Variants in PARP2 observed in about 807,000 individuals in gnomAD.
PARP2 encodes poly [ADP-ribose] polymerase 2.
A neutral mutation model predicts 77.8 loss-of-function variants in PARP2; 57 were observed. The observed-to-expected ratio is 0.73, with a 90% CI of 0.59 to 0.91. The LOEUF (loss-of-function observed/expected upper bound fraction) is 0.91. Among genes scored for constraint, PARP2 ranks in the 40% least tolerant of loss-of-function variants. PARP2 has a pLI of 0.00. For missense variants in PARP2, 651 were observed against 689.0 expected, an observed-to-expected ratio of 0.94 and a Z score of 0.62; for synonymous variants, 226 against 242.6, an observed-to-expected ratio of 0.93 and a Z score of 0.64.
At chr14:20,354,340 A>T in intron 8 of PARP2, 93 bp downstream of exon 8, 2 of 1,036,818 alleles carry the variant, frequency 1.9e-6, no homozygotes, top group South Asian at 3.2e-5. Context: ...AAGCTTGCTC[A>T]TAGTACTGAA....
At chr14:20,357,615 C>T in intron 15 of PARP2, 23 bp from the exon 16 acceptor site, 1 of 1,609,114 alleles carries the variant, frequency 6.2e-7, no homozygotes, top group Non-Finnish European at 8.5e-7. Context: ...CTGATGTTGA[C>T]ACACTTTTTT....
intron 4 of PARP2, among the ~76,000 whole-genome samples, chr14:20,348,220 G>A (rs185001293): frequency 1.8e-4 from 27 of 152,156 alleles, no homozygotes; most frequent in East Asian, 9.7e-4. Flanking sequence ...TACTGGTTTC[G>A]AGGAACTTTA....
intron 5 of PARP2, 182 bp downstream of exon 5, chr14:20,350,804 C>A (rs1187286460): frequency 1.7e-6 from 1 of 605,764 alleles, no homozygotes; most frequent in Non-Finnish European, 2.9e-6. Flanking sequence ...CCTTAGAGTT[C>A]CCACTGGAAA....
rs371220029 is a variant in PARP2, at chr14:20,354,916, G to C, written c.871G>C (p.Glu291Gln). ...HGRALMEACN[E>Q]FYTRIPHDFG... Reference sequence around the variant, plus strand: ...ACGAGCTCTCATGGAAGCATGCAATGAATTCTACACCAGGATTCCGCATGA... The same window carrying C: ...ACGAGCTCTCATGGAAGCATGCAATCAATTCTACACCAGGATTCCGCATGA... The change falls in exon 9 of 16, where the codon GAA (glutamate) becomes CAA (glutamine). Residue 291 changes from glutamate to glutamine, a missense_variant. Coordinates refer to ENST00000429687, the MANE Select transcript of PARP2 (RefSeq NM_001042618.2). 21 of 1,613,862 alleles carry C rather than the reference G, an allele frequency of 1.3e-5. No individual in the cohort carries two copies. In the Middle Eastern group the frequency reaches 4.9e-4, roughly 38 times the overall value.
rs762336067 is a variant in PARP2, at chr14:20,356,306, G to A, written c.1102-1G>A. ...CAGCCTTTTTGTCTTATTTTTCACA[G>A]GTGATTTCCCAGTACCTACAATCTA... is the stretch of plus-strand genomic sequence containing the variant. On this transcript the variant is annotated splice_acceptor_variant, in intron 11 of 15. Coordinates refer to ENST00000429687, the MANE Select transcript of PARP2 (RefSeq NM_001042618.2). LOFTEE classifies it high-confidence loss of function. 3.2e-5 allele frequency: 51 copies of A among 1,613,798 alleles called. No homozygotes were observed. In the Admixed American group the frequency reaches 8.2e-4, roughly 26 times the overall value.
At position 20,344,967 on chromosome 14, in the gene PARP2, A is replaced by G; in HGVS notation, c.82A>G (p.Thr28Ala). ...AAGCAAAAGAGTTAATAATGGCAAC[A>G]CGGCTCCAGAAGACTCTTCCCCTGC... ...NESKRVNNGN[T>A]APEDSSPAKK... Residue 28 changes from threonine (T) to alanine (A), a missense_variant, in exon 2 of 16, where the codon ACG (threonine) becomes GCG (alanine). Coordinates refer to ENST00000429687, the MANE Select transcript of PARP2 (RefSeq NM_001042618.2). The G allele has an allele frequency of 6.2e-7, 1 of 1,614,162 alleles. No homozygotes were observed.
chr14:20,352,038 C>A (rs951868428), intron 6 of PARP2, among the ~76,000 whole-genome samples: 1 of 152,020 alleles, frequency 6.6e-6, no homozygotes, highest in Non-Finnish European at 1.5e-5. Flanking sequence ...ATTGTTTTTC[C>A]CATTTTTTAA....
chr14:20,357,549 A>C, intron 15 of PARP2, 29 bp downstream of exon 15: 2 of 1,603,214 alleles, frequency 1.2e-6, no homozygotes, highest in Non-Finnish European at 1.7e-6. Flanking sequence ...GAGGACTAGA[A>C]GACTCCTTTT....
At chr14:20,350,009 C>A (rs959205007) in intron 4 of PARP2, among the ~76,000 whole-genome samples, 2 of 152,150 alleles carry the variant, frequency 1.3e-5, no homozygotes, top group Non-Finnish European at 2.9e-5. Flanking sequence ...TTTGCGTATC[C>A]CTTGTCCCCT....
intron 13 of PARP2, 21 bp downstream of exon 13, chr14:20,356,710 G>C (rs1884167501): frequency 6.5e-7 from 1 of 1,547,894 alleles, no homozygotes; most frequent in African/African-American, 1.4e-5. Context: ...TTGAACTCTG[G>C]GAGGAGCACA....
rs1486754017 is a variant in PARP2, at chr14:20,357,380, GT to G, written c.1429-10del. The G allele has an allele frequency of 2.6e-5, 41 of 1,586,288 alleles. No homozygotes were observed. The highest frequency in any genetic ancestry group is 3.5e-5 in the Non-Finnish European group (41 of 1,169,854). On this transcript the variant is annotated splice_polypyrimidine_tract_variant and intron_variant, in intron 14 of 15. Coordinates refer to ENST00000429687, the MANE Select transcript of PARP2 (RefSeq NM_001042618.2). ...CTTAGTAGGATATGGGAATTCAAAGGTTTTTTGCTTTGCAGGTAGCTCTAGG... is the reference window on the plus strand; with the variant it reads ...CTTAGTAGGATATGGGAATTCAAAGGTTTTTGCTTTGCAGGTAGCTCTAGG...
intron 7 of PARP2, 41 bp downstream of exon 7, chr14:20,352,388 T>TA: frequency 7.9e-7 from 1 of 1,264,222 alleles, no homozygotes; most frequent in South Asian, 1.2e-5. Context: ...ACATCTTCTT[T>TA]TTTTATTTTA....
At position 20,354,900 on chromosome 14, in the gene PARP2, C is replaced by T; in HGVS notation, c.855C>T (p.Leu285=). The part of the protein sequence containing the change: ...CIRAGQHGRA[L]MEACNEFYTR... ...GGGCTGGCCAGCATGGACGAGCTCT[C>T]ATGGAAGCATGCAATGAATTCTACA... Residue 285 remains leucine, a synonymous_variant, in exon 9 of 16, where the codon CTC becomes CTT. Transcript: ENST00000429687. The T allele has an allele frequency of 1.2e-6, 2 of 1,613,798 alleles. No individual in the cohort carries two copies. Among genetic ancestry groups the T allele is most frequent in the Non-Finnish European group, 1.7e-6 (2 of 1,179,896 alleles).
chr14:20,351,201 A>T, intron 6 of PARP2, 79 bp downstream of exon 6: 1 of 994,340 alleles, frequency 1.0e-6, no homozygotes, highest in South Asian at 1.4e-5. Flanking sequence ...TTTTTTTTAG[A>T]CAGTTTCACT....
chr14:20,352,361 T>TAC lies in PARP2; in HGVS notation c.600+15_600+16dup. On this transcript the variant is annotated intron_variant, in intron 7 of 15. Coordinates refer to ENST00000429687, the MANE Select transcript of PARP2 (RefSeq NM_001042618.2). ...ACCAATACTCAGGTAACTCTCACTA[T>TAC]ACTTTTCGAAAGAAACACATCTTCT... is the stretch of plus-strand genomic sequence containing the variant. 1 of 1,458,774 alleles carries TAC rather than the reference T, an allele frequency of 6.9e-7. No individual in the cohort carries two copies. Among genetic ancestry groups the TAC allele is most frequent in the Non-Finnish European group, 9.6e-7 (1 of 1,043,922 alleles). 90.4% of individuals were successfully genotyped at this position (1,458,774 alleles called of 1,614,324 possible).
chr14:20,352,139 G>T, intron 6 of PARP2, 106 bp from the exon 7 acceptor site: 1 of 619,996 alleles, frequency 1.6e-6, no homozygotes, highest in East Asian at 2.7e-5. Context: ...ATGTGTAAAG[G>T]AGCTCAGTGC....
chr14:20,352,332 T>A lies in PARP2; in HGVS notation c.585T>A (p.Tyr195Ter). Residue 195 changes from tyrosine (Y) to a stop codon, truncating the protein, a stop_gained, in exon 7 of 16, where the codon TAT (tyrosine) becomes TAA (stop). Transcript: ENST00000429687. LOFTEE classifies it high-confidence loss of function. ...AATATGATATGCTACAGATGGACTA[T>A]GCCACCAATACTCAGGTAACTCTCA... is the stretch of plus-strand genomic sequence containing the variant. ...PGKYDMLQMD[Y>*]ATNTQDEEET... The A allele has an allele frequency of 6.3e-7, 1 of 1,585,256 alleles. No homozygotes were observed. The highest frequency in any genetic ancestry group is 1.3e-5 in the African/African-American group (1 of 74,466).
intron 4 of PARP2, among the ~76,000 whole-genome samples, chr14:20,350,051 A>G (rs1374375896): frequency 7.2e-5 from 11 of 152,192 alleles, no homozygotes; most frequent in Admixed American, 6.5e-4. Context: ...GCTCATTGTC[A>G]AATTTCTGCA....
intron 6 of PARP2, 28 bp downstream of exon 6, chr14:20,351,150 AAT>A: frequency 6.4e-7 from 1 of 1,559,494 alleles, no homozygotes; most frequent in Non-Finnish European, 8.8e-7. Context: ...ACTACAAAAA[AAT>A]ATACCCTCCT....
Sources: gnomAD v4.1 joint callset for allele counts (sites outside exome capture counted in the v4.1 genomes callset) on GRCh38, gnomAD v4.1.1 for gene constraint, MANE v1.5 for transcripts, NCBI Gene and HGNC (gene_info 2026-07-23, HGNC 2026-07-21) for gene names.